Variants in OR14I1 observed in about 807,000 individuals in gnomAD.
OR14I1 encodes the protein olfactory receptor family 14 subfamily I member 1, also known as olfactory receptor 14I1.
For synonymous variants in OR14I1, 118 were observed against 71.1 expected (o/e 1.66, Z -3.32); for missense variants, 279 against 181.8 (o/e 1.53, Z -3.07).
upstream of OR14I1, among the ~76,000 whole-genome samples, chr1:248,683,371 A>G (rs1253413897): frequency 6.6e-6 from 1 of 152,176 alleles, no homozygotes; most frequent in African/African-American, 2.4e-5. Context: ...TGTTCACATG[A>G]CTCAAATATT....
upstream of OR14I1, among the ~76,000 whole-genome samples, chr1:248,686,781 T>C (rs958607172): frequency 4.9e-4 from 59 of 120,010 alleles, 5 homozygotes; most frequent in African/African-American, 1.5e-3. Context: ...TTAAATAACA[T>C]GTAGCTTCTC....
At chr1:248,699,798 G>A in the OR14I1 span, among the ~76,000 whole-genome samples, 2 of 152,062 alleles carry the variant, frequency 1.3e-5, no homozygotes, top group Admixed American at 6.5e-5. Context: ...TCGCTCTATC[G>A]CCCAGGCTGG....
chr1:248,702,062 A>T, the OR14I1 span, among the ~76,000 whole-genome samples: 1 of 152,096 alleles, frequency 6.6e-6, no homozygotes, highest in South Asian at 2.1e-4. Context: ...AAACAACCAG[A>T]TCTCATGAGA....
the OR14I1 span, among the ~76,000 whole-genome samples, chr1:248,700,191 GTGT>G: frequency 6.6e-6 from 1 of 152,172 alleles, no homozygotes; most frequent in Non-Finnish European, 1.5e-5. Context: ...TTTGTCCTTT[GTGT>G]TGTTTTAAAT....
At chr1:248,680,863 A>C (rs1296039353), downstream of OR14I1, among the ~76,000 whole-genome samples, 1 of 152,088 alleles carries the variant, frequency 6.6e-6, no homozygotes, top group Non-Finnish European at 1.5e-5. Context: ...ATATCCTTAA[A>C]ATATTTGGCA....
the OR14I1 span, chr1:248,699,097 A>T: frequency 1.3e-5 from 2 of 152,110 alleles, no homozygotes; most frequent in Non-Finnish European, 2.9e-5. Flanking sequence ...ATTAAACCTG[A>T]ATTTTTTTGT....
the OR14I1 span, among the ~76,000 whole-genome samples, chr1:248,688,966 T>G: frequency 1.3e-5 from 2 of 152,198 alleles, no homozygotes; most frequent in Non-Finnish European, 2.9e-5. Flanking sequence ...AGTGTAGCCC[T>G]TGGGGGCTTT....
the OR14I1 span, among the ~76,000 whole-genome samples, chr1:248,695,383 G>A: frequency 2.6e-5 from 4 of 151,768 alleles, no homozygotes; most frequent in South Asian, 8.3e-4. Flanking sequence ...ACAGGCGCCC[G>A]CCACCACGCC....
upstream of OR14I1, among the ~76,000 whole-genome samples, chr1:248,686,009 TTAG>T (rs1047999167): frequency 7.2e-5 from 11 of 152,154 alleles, no homozygotes; most frequent in African/African-American, 2.4e-4. Flanking sequence ...TAACAAAAAC[TTAG>T]TAGTTAACAC....
At chr1:248,686,242 G>A (rs1165892536), upstream of OR14I1, among the ~76,000 whole-genome samples, 1 of 152,178 alleles carries the variant, frequency 6.6e-6, no homozygotes, top group East Asian at 1.9e-4. Flanking sequence ...TTCTGACACA[G>A]CTGTTTTAAG....
At chr1:248,697,685 A>C in the OR14I1 span, among the ~76,000 whole-genome samples, 7 of 152,262 alleles carry the variant, frequency 4.6e-5, no homozygotes, top group East Asian at 1.4e-3. Flanking sequence ...CGGGAGACTG[A>C]GGCAGGAGAA....
At chr1:248,681,648 G>T (rs1448319321) in exon 1 of OR14I1, 1 of 781,064 alleles carries the variant, frequency 1.3e-6, no homozygotes, top group Non-Finnish European at 2.4e-6. Context: ...CCGTTGAGAA[G>T]ATTTGGAAAT....
upstream of OR14I1, among the ~76,000 whole-genome samples, chr1:248,685,915 G>A (rs971173968): frequency 1.3e-5 from 2 of 151,632 alleles, no homozygotes; most frequent in Non-Finnish European, 2.9e-5. Context: ...AATCTATAGG[G>A]ATGCAAACAT....
At chr1:248,689,108 T>C in the OR14I1 span, among the ~76,000 whole-genome samples, 2 of 152,172 alleles carry the variant, frequency 1.3e-5, no homozygotes, top group African/African-American at 4.8e-5. Context: ...TTGAGGCAAC[T>C]CCTCTGGGGT....
the OR14I1 span, among the ~76,000 whole-genome samples, chr1:248,690,776 C>A: frequency 0.83 from 123,622 of 148,466 alleles, 51,463 homozygotes; most frequent in Non-Finnish European, 0.88. Context: ...GAGACACAAC[C>A]AAAAAAAAAA....
the OR14I1 span, among the ~76,000 whole-genome samples, chr1:248,698,573 A>G: frequency 2.0e-5 from 3 of 152,256 alleles, no homozygotes; most frequent in Non-Finnish European, 2.9e-5. Flanking sequence ...ATAAAAGCAT[A>G]TGCTATCTCA....
chr1:248,682,924 A>T (rs561750376), upstream of OR14I1, among the ~76,000 whole-genome samples: 2 of 152,328 alleles, frequency 1.3e-5, no homozygotes, highest in African/African-American at 2.4e-5. Flanking sequence ...ATTTTGTGTC[A>T]ATGTGCAAGA....
exon 1 of OR14I1, chr1:248,681,640 G>T: frequency 1.3e-6 from 1 of 781,016 alleles, no homozygotes; most frequent in South Asian, 1.3e-5. Flanking sequence ...TCTGAGCACC[G>T]TTGAGAAGAT....
At chr1:248,684,258 T>C (rs1171173554), upstream of OR14I1, among the ~76,000 whole-genome samples, 1 of 152,230 alleles carries the variant, frequency 6.6e-6, no homozygotes, top group Non-Finnish European at 1.5e-5. Flanking sequence ...GTTATGGAAA[T>C]GCAAATTAAA....
Sources: gnomAD v4.1 joint callset for allele counts (sites outside exome capture counted in the v4.1 genomes callset) on GRCh38, gnomAD v4.1.1 for gene constraint, MANE v1.5 for transcripts, NCBI Gene and HGNC (gene_info 2026-07-23, HGNC 2026-07-21) for gene names.